Variants in KDM4C observed in about 807,000 individuals in gnomAD.
KDM4C encodes the protein lysine-specific demethylase 4C.
KDM4C carries 81 observed loss-of-function variants against 129.3 expected under a neutral mutation model. The observed-to-expected ratio is 0.63, with a 90% CI of 0.52 to 0.75. The LOEUF is 0.75. KDM4C is among the 30% of genes least tolerant of loss of function. The pLI is 0.00. For missense variants in KDM4C, 1,457 were observed against 1,304.0 expected (o/e 1.12, Z -1.81); for synonymous variants, 573 against 456.1 (o/e 1.26, Z -3.26).
At chr9:6,974,712 G>A (rs1832648662) in intron 8 of KDM4C, 1 of 152,116 alleles carries the variant, frequency 6.6e-6, no homozygotes, top group Non-Finnish European at 1.5e-5. Context: ...TGTTTACAAG[G>A]AATTTAGATC....
intron 1 of KDM4C, among the ~76,000 whole-genome samples, chr9:6,729,518 G>C (rs760707178): frequency 2.2e-5 from 3 of 133,692 alleles, no homozygotes; most frequent in Non-Finnish European, 4.6e-5. Context: ...CTGCACTCCA[G>C]CTTGGATGAC....
intron 17 of KDM4C, among the ~76,000 whole-genome samples, chr9:7,099,330 C>T (rs7043669): frequency 0.011 from 1,624 of 152,312 alleles, 29 homozygotes; most frequent in African/African-American, 0.036. Context: ...ATGCCCTTTG[C>T]CAGGCTGGAT....
chr9:6,888,657 A>G (rs1425037964), intron 7 of KDM4C, among the ~76,000 whole-genome samples: 2 of 152,144 alleles, frequency 1.3e-5, no homozygotes, highest in Admixed American at 6.5e-5. Context: ...AAACATTTTT[A>G]TGTGAAGCAG....
At chr9:7,019,710 T>TTAAAA (rs1303782240) in intron 15 of KDM4C, among the ~76,000 whole-genome samples, 60 of 106,800 alleles carry the variant, frequency 5.6e-4, no homozygotes, top group African/African-American at 2.5e-3. Context: ...TATTTTTATA[T>TTAAAA]ATAAAAATAT....
At chr9:7,168,523 T>C (rs1212015837) in intron 20 of KDM4C, among the ~76,000 whole-genome samples, 1 of 152,220 alleles carries the variant, frequency 6.6e-6, no homozygotes. Flanking sequence ...ACAAAATCTT[T>C]TAAAATGTTA....
chr9:7,013,706 C>T, intron 13 of KDM4C, 82 bp from the exon 14 acceptor site: 2 of 1,290,292 alleles, frequency 1.6e-6, no homozygotes, highest in South Asian at 1.3e-5. Flanking sequence ...GTGTCTGGAA[C>T]AGGAGTTAGT....
intron 8 of KDM4C, among the ~76,000 whole-genome samples, chr9:6,970,471 A>C (rs1831769593): frequency 6.6e-6 from 1 of 152,216 alleles, no homozygotes; most frequent in East Asian, 1.9e-4. Flanking sequence ...ATTTGAACCA[A>C]AGATGGATGT....
At chr9:7,069,444 C>G (rs1194441031) in intron 17 of KDM4C, among the ~76,000 whole-genome samples, 1 of 152,108 alleles carries the variant, frequency 6.6e-6, no homozygotes. Flanking sequence ...CCTAGGAGCT[C>G]TAGGTTACAG....
At chr9:6,787,913 C>G (rs1160197683) in intron 1 of KDM4C, among the ~76,000 whole-genome samples, 2 of 152,226 alleles carry the variant, frequency 1.3e-5, no homozygotes, top group East Asian at 3.8e-4. Flanking sequence ...CAGTTCCCAT[C>G]TCATGCAGAG....
intron 21 of KDM4C, among the ~76,000 whole-genome samples, chr9:7,172,089 C>T (rs1311463884): frequency 6.6e-6 from 1 of 151,128 alleles, no homozygotes; most frequent in Non-Finnish European, 1.5e-5. Context: ...ATTTTTTTTC[C>T]AGTTGGCAAA....
At chr9:7,126,638 A>G (rs936703191) in intron 18 of KDM4C, among the ~76,000 whole-genome samples, 44 of 152,360 alleles carry the variant, frequency 2.9e-4, no homozygotes, top group Admixed American at 2.9e-3. Flanking sequence ...ATATATGTGC[A>G]CATGTTAAAT....
chr9:7,107,366 A>C (rs1196502480), intron 18 of KDM4C, among the ~76,000 whole-genome samples: 1 of 152,218 alleles, frequency 6.6e-6, no homozygotes, highest in African/African-American at 2.4e-5. Flanking sequence ...CTACCTATAC[A>C]CTATATACTT....
chr9:6,950,797 C>G (rs1398361791), intron 8 of KDM4C, among the ~76,000 whole-genome samples: 1 of 152,122 alleles, frequency 6.6e-6, no homozygotes, highest in Non-Finnish European at 1.5e-5. Flanking sequence ...GGTGCATATG[C>G]CTTTTCATGG....
At chr9:7,102,992 C>T (rs1270646162) in intron 17 of KDM4C, among the ~76,000 whole-genome samples, 1 of 152,144 alleles carries the variant, frequency 6.6e-6, no homozygotes, top group Non-Finnish European at 1.5e-5. Flanking sequence ...TTGTGGTAAT[C>T]ATTATTGCTG....
chr9:7,060,273 G>A (rs1831440621), intron 17 of KDM4C, among the ~76,000 whole-genome samples: 1 of 150,814 alleles, frequency 6.6e-6, no homozygotes, highest in African/African-American at 2.4e-5. Context: ...GAGAGGGACA[G>A]CTATTGCATA....
At chr9:7,077,110 C>G in intron 17 of KDM4C, 1 of 985,370 alleles carries the variant, frequency 1.0e-6, no homozygotes, top group South Asian at 4.7e-5. Flanking sequence ...GTGATATATG[C>G]TATCGAAACA....
intron 3 of KDM4C, among the ~76,000 whole-genome samples, chr9:6,814,290 A>G (rs1313071533): frequency 6.6e-6 from 1 of 152,140 alleles, no homozygotes; most frequent in Non-Finnish European, 1.5e-5. Flanking sequence ...TCATTTTTAT[A>G]TAAATATGTA....
intron 15 of KDM4C, among the ~76,000 whole-genome samples, chr9:7,035,805 G>C (rs955576796): frequency 2.6e-5 from 4 of 151,998 alleles, no homozygotes; most frequent in African/African-American, 9.7e-5. Context: ...AGATATGTGG[G>C]GTAATTTCTG....
intron 5 of KDM4C, among the ~76,000 whole-genome samples, chr9:6,877,535 CA>C (rs1450512798): frequency 6.6e-6 from 1 of 152,176 alleles, no homozygotes; most frequent in Non-Finnish European, 1.5e-5. Flanking sequence ...TCCAGCCCTG[CA>C]ACTTGTATTT....
Sources: gnomAD v4.1 joint callset for allele counts (sites outside exome capture counted in the v4.1 genomes callset) on GRCh38, gnomAD v4.1.1 for gene constraint, MANE v1.5 for transcripts, NCBI Gene and HGNC (gene_info 2026-07-23, HGNC 2026-07-21) for gene names.